Variants in ARPP21 observed in about 807,000 individuals in gnomAD.
The protein encoded by ARPP21 is cAMP regulated phosphoprotein 21, also known as cAMP-regulated phosphoprotein 21.
Under a neutral mutation model 113.2 loss-of-function variants are expected in ARPP21, and 69 were observed. The observed-to-expected ratio is 0.61, with a 90% confidence interval of 0.50 to 0.74. The LOEUF (loss-of-function observed/expected upper bound fraction) is 0.74, where lower values mean the gene tolerates loss of function less well. ARPP21 is among the 30% of genes least tolerant of loss of function. ARPP21 has a pLI of 0.00. For missense variants in ARPP21, 1,070 were observed against 1,037.4 expected (o/e 1.03, Z -0.43); for synonymous variants, 368 against 375.5 (o/e 0.98, Z 0.23).
chr3:35,665,707 G>C (rs771634766), intron 1 of ARPP21, among the ~76,000 whole-genome samples: 2 of 152,118 alleles, frequency 1.3e-5, no homozygotes, highest in Non-Finnish European at 2.9e-5. Context: ...ATTTTCAAAA[G>C]CACAGCTGCA....
intron 19 of ARPP21, among the ~76,000 whole-genome samples, chr3:35,764,259 T>A (rs1398483480): frequency 6.6e-6 from 1 of 152,128 alleles, no homozygotes; most frequent in Non-Finnish European, 1.5e-5. Flanking sequence ...GACACATATC[T>A]TGGTCAAGAA....
chr3:35,691,774 A>G (rs147896595), intron 9 of ARPP21, among the ~76,000 whole-genome samples: 16 of 151,720 alleles, frequency 1.1e-4, no homozygotes, highest in Admixed American at 6.6e-4. Flanking sequence ...AGCCAATTTT[A>G]TAACAAAAGG....
intron 19 of ARPP21, among the ~76,000 whole-genome samples, chr3:35,789,825 A>G (rs1025006470): frequency 6.6e-6 from 1 of 152,182 alleles, no homozygotes; most frequent in Non-Finnish European, 1.5e-5. Context: ...TCTTCTTCCA[A>G]CCAAGACATT....
At chr3:35,640,864 A>AT (rs1295679460) in intron 1 of ARPP21, 1 of 152,184 alleles carries the variant, frequency 6.6e-6, no homozygotes, top group East Asian at 1.9e-4. Flanking sequence ...GCAATCGCCA[A>AT]TTTACTCTTT....
chr3:35,683,898 G>A, intron 5 of ARPP21, 83 bp downstream of exon 5: 2 of 982,064 alleles, frequency 2.0e-6, no homozygotes, highest in Non-Finnish European at 3.3e-6. Flanking sequence ...GTTAAACAGT[G>A]TTTTGGGGGA....
intron 9 of ARPP21, among the ~76,000 whole-genome samples, chr3:35,692,732 T>C (rs1456597123): frequency 6.6e-6 from 1 of 151,672 alleles, no homozygotes; most frequent in Non-Finnish European, 1.5e-5. Context: ...GCTCTAAACC[T>C]GATCTGCCCG....
At chr3:35,701,320 G>T (rs2086294180) in intron 9 of ARPP21, among the ~76,000 whole-genome samples, 1 of 151,674 alleles carries the variant, frequency 6.6e-6, no homozygotes, top group Admixed American at 6.6e-5. Flanking sequence ...TCATTTAGAA[G>T]AATTGCTGTT....
chr3:35,781,612 G>A (rs1405527612), intron 19 of ARPP21: 1 of 152,170 alleles, frequency 6.6e-6, no homozygotes, highest in Non-Finnish European at 1.5e-5. Context: ...CTCATAAGGT[G>A]AGATTAAAGA....
intron 1 of ARPP21, among the ~76,000 whole-genome samples, chr3:35,659,306 T>A (rs1239771372): frequency 6.6e-6 from 1 of 152,144 alleles, no homozygotes; most frequent in Non-Finnish European, 1.5e-5. Context: ...AGCTCAGATT[T>A]TTTGGTTAAA....
Position 35,739,463 on chromosome 3 carries a change from A to C in ARPP21, c.1896A>C (p.Thr632=). 1 of 1,614,124 alleles carries C rather than the reference A, an allele frequency of 6.2e-7. No homozygotes were observed. Among genetic ancestry groups the C allele is most frequent in the South Asian group, 1.1e-5 (1 of 91,078 alleles). ...AQQPSYVIAS[T]GQQLPTGGFS... ...AGCCCAGCTATGTAATCGCCTCTAC[A>C]GGCCAGCAGCTTCCTACAGGAGGAT... The change falls in exon 18 of 21, where the codon ACA becomes ACC. Residue 632 remains threonine, a synonymous_variant. Transcript: ENST00000684406.
chr3:35,659,400 T>G (rs1344726742), intron 1 of ARPP21, among the ~76,000 whole-genome samples: 1 of 152,186 alleles, frequency 6.6e-6, no homozygotes, highest in Admixed American at 6.5e-5. Context: ...GAAAAATTAA[T>G]ACACCTTTCT....
chr3:35,661,750 C>T (rs1707916550), intron 1 of ARPP21, among the ~76,000 whole-genome samples: 1 of 152,034 alleles, frequency 6.6e-6, no homozygotes, highest in Admixed American at 6.6e-5. Context: ...ACAGTGGATG[C>T]CTTTGTATTT....
intron 19 of ARPP21, among the ~76,000 whole-genome samples, chr3:35,763,818 A>G (rs1023208060): frequency 2.0e-5 from 3 of 152,150 alleles, no homozygotes; most frequent in Non-Finnish European, 2.9e-5. Flanking sequence ...AGAACTATTC[A>G]GAAAAATCTT....
chr3:35,747,468 A>T (rs961223049), intron 19 of ARPP21, among the ~76,000 whole-genome samples: 3 of 152,194 alleles, frequency 2.0e-5, no homozygotes, highest in African/African-American at 4.8e-5. Context: ...TGAGAAAAAT[A>T]AAAAACCTTC....
At chr3:35,730,898 T>C (rs1331303478) in intron 15 of ARPP21, among the ~76,000 whole-genome samples, 1 of 152,184 alleles carries the variant, frequency 6.6e-6, no homozygotes, top group Admixed American at 6.5e-5. Context: ...GCATAATCAT[T>C]TTATTGAAAA....
intron 19 of ARPP21, among the ~76,000 whole-genome samples, chr3:35,779,223 G>A (rs747712765): frequency 1.3e-5 from 2 of 152,132 alleles, no homozygotes; most frequent in African/African-American, 2.4e-5. Flanking sequence ...TGACACAATA[G>A]CAGCAGAAGT....
At chr3:35,665,839 G>A (rs1474342413) in intron 1 of ARPP21, among the ~76,000 whole-genome samples, 1 of 152,100 alleles carries the variant, frequency 6.6e-6, no homozygotes, top group East Asian at 1.9e-4. Flanking sequence ...TTCTCATCAA[G>A]GTATTTAGTT....
At chr3:35,748,313 A>T (rs1024952118) in intron 19 of ARPP21, among the ~76,000 whole-genome samples, 10 of 150,350 alleles carry the variant, frequency 6.7e-5, no homozygotes, top group Non-Finnish European at 1.3e-4. Context: ...AAAGAAAGAA[A>T]GAAAGAAAAA....
intron 5 of ARPP21, chr3:35,684,800 G>T (rs1479438628): frequency 1.0e-6 from 1 of 959,390 alleles, no homozygotes; most frequent in Non-Finnish European, 1.2e-6. Context: ...CTAAGAGAGT[G>T]TTTTTTTTTC....
Sources: gnomAD v4.1 joint callset for allele counts (sites outside exome capture counted in the v4.1 genomes callset) on GRCh38, gnomAD v4.1.1 for gene constraint, MANE v1.5 for transcripts, NCBI Gene and HGNC (gene_info 2026-07-23, HGNC 2026-07-21) for gene names.